Variants in KATNIP observed in about 807,000 individuals in gnomAD.
KATNIP encodes the protein katanin-interacting protein.
KATNIP carries 126 observed loss-of-function variants against 174.0 expected under a neutral mutation model. The ratio of observed to expected loss-of-function variants is 0.72; its 90% CI spans 0.63 to 0.84. KATNIP has a LOEUF of 0.84. Ranked by LOEUF, KATNIP falls within the 40% of genes least tolerant of loss-of-function variation. The pLI is 0.00. For synonymous variants in KATNIP, 810 were observed against 835.7 expected, an observed-to-expected ratio of 0.97 and a Z score of 0.53; for missense variants, 1,958 against 2,109.7, an observed-to-expected ratio of 0.93 and a Z score of 1.41.
At chr16:27,641,531 C>T (rs935712587) in intron 5 of KATNIP, among the ~76,000 whole-genome samples, 4 of 152,000 alleles carry the variant, frequency 2.6e-5, no homozygotes, top group Non-Finnish European at 5.9e-5. Context: ...TCTTAGGGCC[C>T]GGGCAGGAAG....
intron 17 of KATNIP, 57 bp downstream of exon 17, chr16:27,751,981 C>T (rs1294478031): frequency 1.4e-6 from 2 of 1,408,466 alleles, no homozygotes; most frequent in African/African-American, 2.8e-5. Context: ...CTTCCCCTAA[C>T]TCAGAGTAGA....
At chr16:27,651,781 G>A (rs1235620854) in intron 6 of KATNIP, among the ~76,000 whole-genome samples, 1 of 152,190 alleles carries the variant, frequency 6.6e-6, no homozygotes, top group Admixed American at 6.5e-5. Context: ...GTGCAGTGGT[G>A]CGATCTCGGC....
chr16:27,690,252 G>C lies in KATNIP; in HGVS notation c.941-8076G>C, dbSNP rs13331540. 7.7e-3 allele frequency among the ~76,000 whole-genome samples: 1,172 copies of C among 152,008 alleles called. 16 individuals are homozygous for C. The highest frequency in any genetic ancestry group is 0.027 in the African/African-American group (1,120 of 41,430). On this transcript the variant is annotated intron_variant, in intron 8 of 27. Coordinates refer to ENST00000261588, the MANE Select transcript of KATNIP (RefSeq NM_015202.5). ...ATGACTTGAGCACAGGGAAGTCAAG[G>C]CTGCAGTGAGCCATACTCATTCCAT...
At chr16:27,590,424 C>T (rs1022166797) in intron 2 of KATNIP, among the ~76,000 whole-genome samples, 2 of 151,810 alleles carry the variant, frequency 1.3e-5, no homozygotes, top group African/African-American at 2.4e-5. Flanking sequence ...CTTCCTGCCT[C>T]GGCCTCCCAA....
At chr16:27,677,219 A>G (rs2078151738) in intron 6 of KATNIP, among the ~76,000 whole-genome samples, 1 of 152,210 alleles carries the variant, frequency 6.6e-6, no homozygotes, top group South Asian at 2.1e-4. Flanking sequence ...GCCCCTAACA[A>G]CTACCTGACA....
chr16:27,667,575 G>A (rs530664428), intron 6 of KATNIP, among the ~76,000 whole-genome samples: 1 of 152,256 alleles, frequency 6.6e-6, no homozygotes, highest in African/African-American at 2.4e-5. Flanking sequence ...TCCAGGGGCA[G>A]GGGGTTGGTT....
intron 2 of KATNIP, among the ~76,000 whole-genome samples, chr16:27,578,204 A>G (rs1196914644): frequency 6.6e-6 from 1 of 151,860 alleles, no homozygotes; most frequent in African/African-American, 2.4e-5. Flanking sequence ...GTGGTGGTAC[A>G]TGCCTGTAGT....
rs2082554692 is a variant in KATNIP at position 27,777,825 on chromosome 16, G to T, written c.4712+55G>T. The T allele has an allele frequency of 1.3e-5, 21 of 1,613,450 alleles. No homozygotes were observed. The Middle Eastern group carries it at 5.0e-4, about 38-fold the overall frequency. ...CCACCAGCCCTAAGGAGGATGGATGGCTGGGACACACGGCCAGGAGCCTGA... is the reference window on the plus strand; with the variant it reads ...CCACCAGCCCTAAGGAGGATGGATGTCTGGGACACACGGCCAGGAGCCTGA... On this transcript the variant is annotated intron_variant, in intron 26 of 27. Transcript: ENST00000261588. This position sits in a 1 kb window ranked among gnomAD's most constrained non-coding sequence, Gnocchi z 4.4.
intron 1 of KATNIP, among the ~76,000 whole-genome samples, chr16:27,557,444 T>G (rs2089676941): frequency 6.6e-6 from 1 of 151,206 alleles, no homozygotes; most frequent in Non-Finnish European, 1.5e-5. Flanking sequence ...TTTTTTTTTT[T>G]TTTTTGAGAC....
intron 2 of KATNIP, among the ~76,000 whole-genome samples, chr16:27,612,715 C>T (rs551312098): frequency 6.6e-6 from 1 of 151,924 alleles, no homozygotes; most frequent in African/African-American, 2.4e-5. Flanking sequence ...GCCAAGATCG[C>T]ACCACTGAAC....
intron 14 of KATNIP, among the ~76,000 whole-genome samples, chr16:27,725,615 G>A (rs1401619191): frequency 6.6e-6 from 1 of 152,192 alleles, no homozygotes; most frequent in Non-Finnish European, 1.5e-5. Flanking sequence ...TGCTTCTCCT[G>A]CAGAGTGGCA....
At chr16:27,566,750 C>T (rs548243598) in intron 1 of KATNIP, among the ~76,000 whole-genome samples, 5 of 152,212 alleles carry the variant, frequency 3.3e-5, no homozygotes, top group East Asian at 1.9e-4. Context: ...GTGACCCATG[C>T]GGCTTTGTCA....
intron 9 of KATNIP, 145 bp downstream of exon 9, chr16:27,698,645 G>C: frequency 7.7e-6 from 6 of 783,352 alleles, no homozygotes; most frequent in Non-Finnish European, 1.1e-5. Flanking sequence ...CCACTGTTCA[G>C]ACAGTCACCC....
At chr16:27,584,906 G>A (rs1260499006) in intron 2 of KATNIP, among the ~76,000 whole-genome samples, 1 of 152,204 alleles carries the variant, frequency 6.6e-6, no homozygotes, top group African/African-American at 2.4e-5. Context: ...TCAGAGCGGT[G>A]AGACAGCCTG....
At position 27,552,964 on chromosome 16, in the gene KATNIP, G is replaced by T. The variant is rs572680637; in HGVS notation, c.7+2787G>T. Among the ~76,000 whole-genome samples, 3 of 152,298 alleles carry T rather than the reference G, an allele frequency of 2.0e-5. 1 individual carries two copies. In the South Asian group the frequency reaches 6.2e-4, roughly 32 times the overall value. ...CCGCCTTGGCCTCCCAAAGTGCTGGGATTACAGGCATGAAGAACCATGCCA... is the reference window on the plus strand; with the variant it reads ...CCGCCTTGGCCTCCCAAAGTGCTGGTATTACAGGCATGAAGAACCATGCCA... On this transcript the variant is annotated intron_variant, in intron 1 of 27. Transcript: ENST00000261588.
chr16:27,628,367 G>A (rs2076389953), intron 3 of KATNIP, among the ~76,000 whole-genome samples: 2 of 152,372 alleles, frequency 1.3e-5, no homozygotes, highest in South Asian at 2.1e-4. Context: ...CTCTGCCTTG[G>A]CCAGCACGGG....
chr16:27,689,966 G>C (rs1419736327), intron 8 of KATNIP, among the ~76,000 whole-genome samples: 1 of 152,100 alleles, frequency 6.6e-6, no homozygotes, highest in African/African-American at 2.4e-5. Flanking sequence ...GCTTTTTAAA[G>C]ACTGCTTGGT....
chr16:27,730,805 C>T (rs1382944874), intron 14 of KATNIP, among the ~76,000 whole-genome samples: 1 of 152,188 alleles, frequency 6.6e-6, no homozygotes, highest in African/African-American at 2.4e-5. Context: ...AAACAGGCAC[C>T]CCCGGCCAAG....
intron 4 of KATNIP, 92 bp downstream of exon 4, chr16:27,628,922 C>A: frequency 7.6e-7 from 1 of 1,319,416 alleles, no homozygotes; most frequent in Non-Finnish European, 1.1e-6. Context: ...AATCACATCA[C>A]TTTGGGAGGC....
Sources: allele counts gnomAD v4.1 joint callset (sites outside exome capture counted in the v4.1 genomes callset), GRCh38; gene constraint gnomAD v4.1.1; non-coding constraint Gnocchi (gnomAD v3.1); transcripts MANE v1.5; gene names NCBI Gene and HGNC (gene_info 2026-07-23, HGNC 2026-07-21).